Variants in SNW1 observed in about 807,000 individuals in gnomAD.
SNW1 encodes the protein SNW domain containing 1.
A neutral mutation model predicts 75.6 loss-of-function variants in SNW1; 9 were observed. That is an observed-to-expected ratio of 0.12 (90% CI 0.07 to 0.21). The LOEUF (loss-of-function observed/expected upper bound fraction) is 0.21, where lower values mean the gene tolerates loss of function less well. Ranked by LOEUF, SNW1 falls within the 10% of genes least tolerant of loss-of-function variation. The pLI is 1.00. For missense variants in SNW1, 409 were observed against 670.9 expected (o/e 0.61, Z 4.31); for synonymous variants, 200 against 219.1 (o/e 0.91, Z 0.77).
chr14:77,757,429 G>A (rs1468550373), intron 1 of SNW1, among the ~76,000 whole-genome samples: 3 of 152,174 alleles, frequency 2.0e-5, no homozygotes, highest in East Asian at 1.9e-4. Context: ...TTTCTCATCT[G>A]TAATAATAGT....
chr14:77,745,147 TACA>T (rs2080751678), intron 3 of SNW1, among the ~76,000 whole-genome samples: 1 of 152,060 alleles, frequency 6.6e-6, no homozygotes, highest in Admixed American at 6.6e-5. Context: ...AACAGATAAT[TACA>T]ACAAAAGGTG....
At chr14:77,724,503 T>C (rs772676214) in intron 10 of SNW1, among the ~76,000 whole-genome samples, 3 of 152,204 alleles carry the variant, frequency 2.0e-5, no homozygotes, top group Admixed American at 1.3e-4. Context: ...TCTCTCTTCA[T>C]TCCCTGTCCC....
At chr14:77,731,882 G>A (rs964730498) in intron 9 of SNW1, among the ~76,000 whole-genome samples, 6 of 152,134 alleles carry the variant, frequency 3.9e-5, no homozygotes, top group African/African-American at 1.4e-4. Flanking sequence ...AGGATTACAG[G>A]TGCATGCCAC....
At chr14:77,718,952 C>T (rs1029474730) in intron 12 of SNW1, among the ~76,000 whole-genome samples, 4 of 152,296 alleles carry the variant, frequency 2.6e-5, no homozygotes, top group East Asian at 1.9e-4. Context: ...CTCAGGTGAT[C>T]GCCTGCCTTG....
chr14:77,723,138 C>T (rs370766158), intron 11 of SNW1, 43 bp downstream of exon 11: 18 of 1,505,546 alleles, frequency 1.2e-5, no homozygotes, highest in African/African-American at 1.1e-4. Context: ...TGAACCACTG[C>T]GCCCGGCCAC....
chr14:77,733,890 C>T (rs1465591903), intron 8 of SNW1: 1 of 419,864 alleles, frequency 2.4e-6, no homozygotes, highest in Non-Finnish European at 4.8e-6. Context: ...TCAGGCTTAG[C>T]TTTATTTTCC....
At chr14:77,726,372 T>A (rs2080584703) in intron 10 of SNW1, among the ~76,000 whole-genome samples, 1 of 152,208 alleles carries the variant, frequency 6.6e-6, no homozygotes, top group African/African-American at 2.4e-5. Context: ...TTGCCCAGGG[T>A]GGTCTTGAAC....
At chr14:77,727,563 C>A (rs2080595252) in intron 10 of SNW1, among the ~76,000 whole-genome samples, 1 of 152,244 alleles carries the variant, frequency 6.6e-6, no homozygotes, top group Non-Finnish European at 1.5e-5. Context: ...TATGTTCCTT[C>A]TAAGCCCACT....
intron 11 of SNW1, chr14:77,722,641 G>C: frequency 2.7e-6 from 1 of 373,228 alleles, no homozygotes; most frequent in South Asian, 2.0e-5. Flanking sequence ...TCTCAATTCT[G>C]ACTTAAGTGA....
At chr14:77,737,214 G>C (rs554231696) in intron 5 of SNW1, 139 bp from the exon 6 acceptor site, 1 of 597,410 alleles carries the variant, frequency 1.7e-6, no homozygotes, top group African/African-American at 1.9e-5. Flanking sequence ...AAAATATTTA[G>C]ACAAAGCAGA....
At position 77,720,754 on chromosome 14, in the gene SNW1, G is replaced by GGA; in HGVS notation, c.1204_1205insTC (p.Ser402PhefsTer63). 6.2e-7 allele frequency: 1 copy of GGA among 1,613,606 alleles called. No individual in the cohort carries two copies. Among genetic ancestry groups the GGA allele is most frequent in the Non-Finnish European group, 8.5e-7 (1 of 1,179,790 alleles). On this transcript the variant is annotated frameshift_variant, in exon 12 of 14. Coordinates refer to ENST00000261531, the MANE Select transcript of SNW1 (RefSeq NM_012245.3). LOFTEE classifies it high-confidence loss of function. Reference sequence around the variant, plus strand: ...CCTTTGGTCATACTGAACTTCATTGGAAGTCCGAGGATTAGGAACACCGAG... The same window carrying GGA: ...CCTTTGGTCATACTGAACTTCATTGGGAAAGTCCGAGGATTAGGAACACCGAG...
chr14:77,741,372 G>T (rs1216309447), intron 3 of SNW1, among the ~76,000 whole-genome samples: 2 of 151,994 alleles, frequency 1.3e-5, no homozygotes, highest in Non-Finnish European at 2.9e-5. Flanking sequence ...ATGGATGAAT[G>T]AATAAATAAA....
intron 8 of SNW1, chr14:77,734,000 A>G: frequency 2.4e-6 from 1 of 418,938 alleles, no homozygotes; most frequent in Non-Finnish European, 4.8e-6. Flanking sequence ...CAGTTACAAA[A>G]TACCAATCAA....
chr14:77,735,712 C>A (rs2080665445), intron 7 of SNW1, among the ~76,000 whole-genome samples: 2 of 152,306 alleles, frequency 1.3e-5, no homozygotes, highest in Admixed American at 1.3e-4. Flanking sequence ...AAACAGCAGA[C>A]CCTGTCCATT....
At position 77,718,370 on chromosome 14, in the gene SNW1, T is replaced by C. The variant is rs551421793; in HGVS notation, c.1409A>G (p.Asn470Ser). 3.1e-6 allele frequency: 5 copies of C among 1,614,096 alleles called. No individual in the cohort carries two copies. The highest frequency in any genetic ancestry group is 1.3e-5 in the African/African-American group (1 of 74,928). The stretch of plus-strand genomic sequence containing the variant: ...ATTGAGTTGTATGGCTTGGCACCTG[T>C]TGGTCTTTATTCTGGCTTCTAGGTC... ...GDDLEARIKT[N>S]RFVPDKEFSG... Residue 470 changes from asparagine to serine, a missense_variant, in exon 13 of 14, where the codon AAC becomes AGC. Physicochemically the swap from Asn to Ser is conservative, Grantham distance 46. Around this residue, in one of 9 missense-constraint regions of SNW1, gnomAD observed 126 missense variants for 167.6 expected, o/e 0.75. Coordinates refer to ENST00000261531, the MANE Select transcript of SNW1 (RefSeq NM_012245.3).
At chr14:77,746,277 A>G (rs979868367) in intron 3 of SNW1, among the ~76,000 whole-genome samples, 5 of 152,264 alleles carry the variant, frequency 3.3e-5, no homozygotes, top group African/African-American at 1.2e-4. Flanking sequence ...ACAAACAGAC[A>G]TGGATGAATT....
intron 3 of SNW1, among the ~76,000 whole-genome samples, chr14:77,740,106 C>G (rs894928645): frequency 2.1e-5 from 3 of 140,446 alleles, no homozygotes; most frequent in Non-Finnish European, 4.5e-5. Context: ...TGCACTCCAG[C>G]CTGGGTGACA....
chr14:77,732,701 G>C (rs1477099388), intron 8 of SNW1, 100 bp from the exon 9 acceptor site: 1 of 719,442 alleles, frequency 1.4e-6, no homozygotes, highest in Admixed American at 2.3e-5. Context: ...GTCTTGCTCT[G>C]TCACCCTGGC....
chr14:77,749,305 C>T (rs185503025), intron 3 of SNW1, among the ~76,000 whole-genome samples: 1 of 152,158 alleles, frequency 6.6e-6, no homozygotes, highest in East Asian at 1.9e-4. Context: ...CAGAGAGCAC[C>T]TCATCAAACT....
Sources: allele counts gnomAD v4.1 joint callset (sites outside exome capture counted in the v4.1 genomes callset), GRCh38; gene constraint gnomAD v4.1.1; regional missense constraint gnomAD v4.1.1; transcripts MANE v1.5; gene names NCBI Gene and HGNC (gene_info 2026-07-23, HGNC 2026-07-21).